The following PTPRA variants were observed in gnomAD, a reference collection of about 807,000 sequenced individuals.
The protein encoded by PTPRA is protein tyrosine phosphatase receptor type A, also known as receptor-type tyrosine-protein phosphatase alpha.
Under a neutral mutation model 104.8 loss-of-function variants are expected in PTPRA, and 25 were observed. The observed-to-expected ratio is 0.24, with a 90% CI of 0.17 to 0.33. The LOEUF (loss-of-function observed/expected upper bound fraction) is 0.33. Among genes scored for constraint, PTPRA ranks in the 10% least tolerant of loss-of-function variants. The pLI, the probability that PTPRA is intolerant of heterozygous loss-of-function variation, is 1.00. For missense variants in PTPRA, 765 were observed against 1,015.3 expected, an observed-to-expected ratio of 0.75 and a Z score of 3.35; for synonymous variants, 323 against 368.9, an observed-to-expected ratio of 0.88 and a Z score of 1.43.
At chr20:2,977,050 G>A (rs1216779478) in intron 6 of PTPRA, among the ~76,000 whole-genome samples, 2 of 152,078 alleles carry the variant, frequency 1.3e-5, no homozygotes, top group African/African-American at 4.8e-5. Flanking sequence ...GGCCAAGGCG[G>A]GTGGATCACA....
At chr20:2,904,870 A>G (rs1344376793) in intron 1 of PTPRA, among the ~76,000 whole-genome samples, 1 of 152,150 alleles carries the variant, frequency 6.6e-6, no homozygotes, top group Non-Finnish European at 1.5e-5. Flanking sequence ...TGATCCTGTA[A>G]CAGTGGGCTG....
At chr20:2,930,982 CT>C (rs1159111657) in intron 2 of PTPRA, among the ~76,000 whole-genome samples, 1 of 152,134 alleles carries the variant, frequency 6.6e-6, no homozygotes, top group Non-Finnish European at 1.5e-5. Context: ...GAATCTAACA[CT>C]TTAGGAAGAC....
At chr20:3,018,674 T>C (rs1258519485) in intron 13 of PTPRA, among the ~76,000 whole-genome samples, 1 of 151,500 alleles carries the variant, frequency 6.6e-6, no homozygotes, top group Non-Finnish European at 1.5e-5. Flanking sequence ...TTTCCCCACC[T>C]TTCCCCCCTT....
At chr20:2,866,843 G>A in the PTPRA span, 21 of 432,744 alleles carry the variant, frequency 4.9e-5, no homozygotes, top group Non-Finnish European at 8.6e-5. Flanking sequence ...CGGAGGTGGG[G>A]GCTTCTCCAG....
At chr20:2,866,300 C>G in the PTPRA span, 1 of 1,614,000 alleles carries the variant, frequency 6.2e-7, no homozygotes, top group Admixed American at 1.7e-5. Context: ...AAGGTCAAGG[C>G]TTTGCTTCTT....
At chr20:2,971,982 C>T (rs1363069534) in intron 5 of PTPRA, among the ~76,000 whole-genome samples, 1 of 151,984 alleles carries the variant, frequency 6.6e-6, no homozygotes, top group Non-Finnish European at 1.5e-5. Context: ...TACAGGCACG[C>T]ACCACCATGC....
chr20:2,865,011 G>A, the PTPRA span: 8 of 1,614,144 alleles, frequency 5.0e-6, no homozygotes, highest in Admixed American at 1.3e-4. This position sits in a 1 kb window ranked among gnomAD's most constrained non-coding sequence, Gnocchi z 5.2. Context: ...TCTGCAGACA[G>A]CCGCCGATGC....
At chr20:2,893,843 C>A (rs565814485) in intron 1 of PTPRA, among the ~76,000 whole-genome samples, 13 of 151,904 alleles carry the variant, frequency 8.6e-5, no homozygotes, top group Non-Finnish European at 1.6e-4. Flanking sequence ...TTATTTCTTG[C>A]AGATATATTG....
intron 9 of PTPRA, among the ~76,000 whole-genome samples, chr20:3,001,281 C>A (rs1019641778): frequency 1.4e-4 from 22 of 152,214 alleles, no homozygotes; most frequent in African/African-American, 5.3e-4. Flanking sequence ...CCAGGGCAAG[C>A]CCTTTCTTCT....
intron 1 of PTPRA, among the ~76,000 whole-genome samples, chr20:2,914,256 C>G (rs766172092): frequency 6.6e-6 from 1 of 152,174 alleles, no homozygotes; most frequent in Non-Finnish European, 1.5e-5. Flanking sequence ...AATCATTTCA[C>G]CAAGGTACCC....
intron 1 of PTPRA, among the ~76,000 whole-genome samples, chr20:2,900,272 T>C (rs1414613795): frequency 6.6e-6 from 1 of 152,050 alleles, no homozygotes; most frequent in Non-Finnish European, 1.5e-5. Flanking sequence ...GACTCCTGAG[T>C]ATCTGGGACC....
At chr20:2,956,440 T>C (rs1490623429) in intron 3 of PTPRA, among the ~76,000 whole-genome samples, 2 of 149,374 alleles carry the variant, frequency 1.3e-5, no homozygotes, top group Non-Finnish European at 3.0e-5. Flanking sequence ...CATTTTTACA[T>C]TCATTTAGCA....
rs534581363 is a variant in PTPRA at position 3,019,246 on chromosome 20, G to A, written c.1041+1333G>A. Among the ~76,000 whole-genome samples the A allele has an allele frequency of 1.1e-4, 17 of 147,890 alleles. No homozygotes were observed. In the East Asian group the frequency reaches 1.5e-3, roughly 13 times the overall value. On this transcript the variant is annotated intron_variant, in intron 13 of 23. Coordinates refer to ENST00000399903, the MANE Select transcript of PTPRA (RefSeq NM_001385305.1). ...TCCCGGACGGGGCGGCTGGCCGGGC[G>A]GGGGGCTGACCCCCCCACCTCCCTC...
chr20:3,022,868 T>C lies in PTPRA; in HGVS notation c.1464+44T>C. The C allele has an allele frequency of 6.2e-7, 1 of 1,612,678 alleles. No individual in the cohort carries two copies. The highest frequency in any genetic ancestry group is 8.5e-7 in the Non-Finnish European group (1 of 1,179,238). On this transcript the variant is annotated intron_variant, in intron 16 of 23. Transcript: ENST00000399903. The surrounding 1 kb of genome is among the most constrained non-coding windows in gnomAD (Gnocchi z 4.6). ...AGGTGAGGGTGGGGGGTTCCAGGAC[T>C]AAAACATCTGCCCACATTGAGGATT... is the stretch of plus-strand genomic sequence containing the variant.
chr20:2,864,228 A>C, the PTPRA span: 43 of 1,614,206 alleles, frequency 2.7e-5, no homozygotes, highest in East Asian at 8.9e-4. This position sits in a 1 kb window ranked among gnomAD's most constrained non-coding sequence, Gnocchi z 5.2. Flanking sequence ...CTTCTCCTAA[A>C]GATGAAGAGG....
At chr20:2,934,551 C>T (rs1446268873) in intron 2 of PTPRA, among the ~76,000 whole-genome samples, 1 of 151,956 alleles carries the variant, frequency 6.6e-6, no homozygotes, top group African/African-American at 2.4e-5. Flanking sequence ...ACTACACTCA[C>T]CTATTTGTAT....
chr20:2,995,061 C>T (rs1018668864), intron 9 of PTPRA, among the ~76,000 whole-genome samples: 4 of 152,138 alleles, frequency 2.6e-5, no homozygotes, highest in South Asian at 2.1e-4. Flanking sequence ...ACCCGGGAGG[C>T]AGAGGTTGCA....
chr20:2,901,152 G>A (rs759833903), intron 1 of PTPRA, among the ~76,000 whole-genome samples: 3 of 151,928 alleles, frequency 2.0e-5, no homozygotes, highest in African/African-American at 4.8e-5. Context: ...TGTATTTTTG[G>A]TAGAGACAGG....
At chr20:2,875,148 CT>C (rs1411062308) in intron 1 of PTPRA, among the ~76,000 whole-genome samples, 8 of 152,146 alleles carry the variant, frequency 5.3e-5, no homozygotes, top group African/African-American at 1.4e-4. Context: ...CCGGTATCCA[CT>C]TCCCAAGAGA....
Sources: gnomAD v4.1 joint callset for allele counts (sites outside exome capture counted in the v4.1 genomes callset) on GRCh38, gnomAD v4.1.1 for gene constraint, Gnocchi (gnomAD v3.1) non-coding constraint, MANE v1.5 for transcripts, NCBI Gene and HGNC (gene_info 2026-07-23, HGNC 2026-07-21) for gene names.